EXOC4: variants seen among roughly 807,000 people sequenced by gnomAD.
The protein encoded by EXOC4 is SEC8-like 1.
In EXOC4, 71 loss-of-function variants were observed where a neutral mutation model predicts 107.2. That is an observed-to-expected ratio of 0.66 (90% CI 0.55 to 0.81). The LOEUF (loss-of-function observed/expected upper bound fraction) is 0.81, where lower values mean the gene tolerates loss of function less well. Among genes scored for constraint, EXOC4 ranks in the 30% least tolerant of loss-of-function variants. The pLI is 0.00. For missense variants in EXOC4, 1,108 were observed against 1,189.6 expected (o/e 0.93, Z 1.01); for synonymous variants, 456 against 441.2 (o/e 1.03, Z -0.42).
chr7:133,672,281 C>T (rs937092073), intron 10 of EXOC4, among the ~76,000 whole-genome samples: 12 of 151,602 alleles, frequency 7.9e-5, no homozygotes, highest in Admixed American at 5.3e-4. Context: ...GTCCCAGCTA[C>T]TCGGGAGGCT....
At chr7:133,626,094 C>G (rs891627172) in intron 9 of EXOC4, among the ~76,000 whole-genome samples, 2 of 152,092 alleles carry the variant, frequency 1.3e-5, no homozygotes, top group Non-Finnish European at 2.9e-5. Flanking sequence ...GTAATCCCAG[C>G]TACTCAGGAG....
chr7:133,466,577 A>T (rs1218718809), intron 7 of EXOC4, among the ~76,000 whole-genome samples: 1 of 152,214 alleles, frequency 6.6e-6, no homozygotes, highest in Non-Finnish European at 1.5e-5. Flanking sequence ...CTGCACATAC[A>T]TAATTCACAC....
intron 7 of EXOC4, among the ~76,000 whole-genome samples, chr7:133,472,390 T>A (rs1798901057): frequency 6.6e-6 from 1 of 152,182 alleles, no homozygotes; most frequent in Admixed American, 6.5e-5. Flanking sequence ...ACTAATTCCC[T>A]TATGGACACA....
chr7:133,476,330 G>A (rs193061259), intron 8 of EXOC4, among the ~76,000 whole-genome samples: 6 of 152,238 alleles, frequency 3.9e-5, no homozygotes, highest in Non-Finnish European at 7.4e-5. Flanking sequence ...AGGTCTCATA[G>A]CTAGCATGTG....
At chr7:133,968,696 C>T (rs1801129680) in intron 14 of EXOC4, among the ~76,000 whole-genome samples, 1 of 152,094 alleles carries the variant, frequency 6.6e-6, no homozygotes, top group Admixed American at 6.6e-5. Flanking sequence ...TGTTGGGTTG[C>T]TGCGGAGAGA....
chr7:133,869,659 A>G (rs923755079), intron 11 of EXOC4, among the ~76,000 whole-genome samples: 51 of 152,220 alleles, frequency 3.4e-4, no homozygotes, highest in African/African-American at 1.2e-3. Context: ...GCTGTACCAC[A>G]TCAACTATGG....
At chr7:133,812,048 T>C (rs1563008578) in intron 10 of EXOC4, among the ~76,000 whole-genome samples, 1 of 152,180 alleles carries the variant, frequency 6.6e-6, no homozygotes, top group Non-Finnish European at 1.5e-5. Flanking sequence ...TGCTCATTCC[T>C]ACATCCATTT....
chr7:133,579,047 T>C (rs145996922), intron 9 of EXOC4, among the ~76,000 whole-genome samples: 3 of 152,284 alleles, frequency 2.0e-5, no homozygotes, highest in East Asian at 1.9e-4. Flanking sequence ...TAGATGAAGG[T>C]AAGATGTCCT....
the EXOC4 span, among the ~76,000 whole-genome samples, chr7:134,089,565 T>C: frequency 1.3e-5 from 2 of 152,130 alleles, no homozygotes; most frequent in South Asian, 2.1e-4. Flanking sequence ...AGCAGGCAAG[T>C]TGTACGGTTA....
chr7:133,462,771 T>C (rs1798624978), intron 7 of EXOC4, among the ~76,000 whole-genome samples: 3 of 152,114 alleles, frequency 2.0e-5, no homozygotes, highest in Non-Finnish European at 4.4e-5. Flanking sequence ...AAAAATTAGA[T>C]AAATTTAGAC....
chr7:133,564,274 C>A (rs1192637708), intron 9 of EXOC4, among the ~76,000 whole-genome samples: 1 of 152,024 alleles, frequency 6.6e-6, no homozygotes, highest in Non-Finnish European at 1.5e-5. Flanking sequence ...TCTTACATGG[C>A]CGGGGTAGAA....
At chr7:134,055,596 A>G (rs1228536630) in intron 17 of EXOC4, among the ~76,000 whole-genome samples, 2 of 152,186 alleles carry the variant, frequency 1.3e-5, no homozygotes, top group Non-Finnish European at 2.9e-5. Flanking sequence ...TATTATAAAT[A>G]CAGAAAGCCC....
intron 9 of EXOC4, among the ~76,000 whole-genome samples, chr7:133,601,480 A>C (rs1301436035): frequency 6.6e-6 from 1 of 152,168 alleles, no homozygotes; most frequent in African/African-American, 2.4e-5. Context: ...ATTGTTATGC[A>C]TCTGTCCCAC....
chr7:133,586,767 A>T (rs1459326905), intron 9 of EXOC4, among the ~76,000 whole-genome samples: 3 of 152,074 alleles, frequency 2.0e-5, no homozygotes, highest in Non-Finnish European at 4.4e-5. Context: ...GTTTATCTAG[A>T]TATACTCATT....
At chr7:133,682,349 T>C (rs1170795558) in intron 10 of EXOC4, among the ~76,000 whole-genome samples, 1 of 152,218 alleles carries the variant, frequency 6.6e-6, no homozygotes, top group Non-Finnish European at 1.5e-5. Context: ...TTGAAAAGTA[T>C]ATGTTATGTG....
chr7:133,989,792 T>C (rs2116228401), intron 14 of EXOC4, among the ~76,000 whole-genome samples: 1 of 152,228 alleles, frequency 6.6e-6, no homozygotes, highest in Non-Finnish European at 1.5e-5. Context: ...GTGTTGAGAT[T>C]CTTTTGAAGT....
At chr7:133,885,770 G>A (rs1399259647) in intron 11 of EXOC4, among the ~76,000 whole-genome samples, 1 of 152,200 alleles carries the variant, frequency 6.6e-6, no homozygotes, top group Non-Finnish European at 1.5e-5. Flanking sequence ...TTAGCCTGGT[G>A]CAGGCAAGGA....
chr7:133,673,363 A>C (rs1404380765), intron 10 of EXOC4, among the ~76,000 whole-genome samples: 1 of 152,146 alleles, frequency 6.6e-6, no homozygotes, highest in Non-Finnish European at 1.5e-5. Flanking sequence ...GCTAGATCTG[A>C]TTATTTTTCC....
At chr7:133,427,514 C>A (rs1797754154) in intron 7 of EXOC4, among the ~76,000 whole-genome samples, 2 of 152,094 alleles carry the variant, frequency 1.3e-5, no homozygotes, top group Admixed American at 1.3e-4. Flanking sequence ...GGAATTTTAA[C>A]CTCCAGTCAG....
Sources: gnomAD v4.1 joint callset for allele counts (sites outside exome capture counted in the v4.1 genomes callset) on GRCh38, gnomAD v4.1.1 for gene constraint, MANE v1.5 for transcripts, NCBI Gene and HGNC (gene_info 2026-07-23, HGNC 2026-07-21) for gene names.